The following ERLEC1 variants were observed in gnomAD, a reference collection of about 807,000 sequenced individuals.
ERLEC1 encodes the protein endoplasmic reticulum lectin 1, also known as ER lectin.
Under a neutral mutation model 68.0 loss-of-function variants are expected in ERLEC1, and 47 were observed. The ratio of observed to expected loss-of-function variants is 0.69; its 90% CI spans 0.55 to 0.88. ERLEC1 has a LOEUF of 0.88. Among genes scored for constraint, ERLEC1 ranks in the 40% least tolerant of loss-of-function variants. The probability of loss-of-function intolerance (pLI) is 0.00; values close to 1 mark genes in which losing one functional copy is unlikely to be tolerated. For synonymous variants in ERLEC1, 225 were observed against 203.2 expected, an observed-to-expected ratio of 1.11 and a Z score of -0.91; for missense variants, 567 against 583.8, an observed-to-expected ratio of 0.97 and a Z score of 0.30.
At chr2:53,797,452 T>C in intron 3 of ERLEC1, 63 bp from the exon 4 acceptor site, 2 of 1,238,296 alleles carry the variant, frequency 1.6e-6, no homozygotes, top group East Asian at 4.8e-5. Context: ...GCTTCAAATA[T>C]CAGAAAGTAA....
At chr2:53,789,078 G>T (rs1011008388) in intron 1 of ERLEC1, among the ~76,000 whole-genome samples, 1 of 151,564 alleles carries the variant, frequency 6.6e-6, no homozygotes. Context: ...AACTTTTCAC[G>T]TATCTAACAA....
At chr2:53,810,078 A>G (rs563114336) in intron 10 of ERLEC1, among the ~76,000 whole-genome samples, 3 of 152,276 alleles carry the variant, frequency 2.0e-5, no homozygotes, top group Admixed American at 6.5e-5. Flanking sequence ...CAAAAAACCA[A>G]ACAAACAAAA....
intron 5 of ERLEC1, among the ~76,000 whole-genome samples, chr2:53,798,457 C>T (rs556011840): frequency 3.6e-4 from 54 of 151,944 alleles, no homozygotes; most frequent in African/African-American, 1.2e-3. Context: ...GATGGAATTT[C>T]GCCATGTTGC....
chr2:53,805,879 T>C (rs1427649076), intron 8 of ERLEC1, among the ~76,000 whole-genome samples: 3 of 152,216 alleles, frequency 2.0e-5, no homozygotes, highest in Non-Finnish European at 4.4e-5. Flanking sequence ...AGTTTTGATT[T>C]GCTTTTCTCT....
chr2:53,804,110 G>T (rs544355986), intron 8 of ERLEC1, among the ~76,000 whole-genome samples: 1 of 152,086 alleles, frequency 6.6e-6, no homozygotes, highest in African/African-American at 2.4e-5. Context: ...CAGCCTGGGC[G>T]ACAAAGCGAG....
chr2:53,790,220 A>T (rs993755566), intron 1 of ERLEC1, among the ~76,000 whole-genome samples: 1 of 151,392 alleles, frequency 6.6e-6, no homozygotes, highest in African/African-American at 2.4e-5. Flanking sequence ...CAGCCTCCCC[A>T]GTAGCTGGGA....
chr2:53,791,336 G>T (rs539006890), intron 1 of ERLEC1, among the ~76,000 whole-genome samples: 1 of 152,058 alleles, frequency 6.6e-6, no homozygotes. Context: ...GTGTCAAATC[G>T]CTAATTTCCT....
At chr2:53,792,095 T>C (rs1675436735) in intron 1 of ERLEC1, among the ~76,000 whole-genome samples, 1 of 152,024 alleles carries the variant, frequency 6.6e-6, no homozygotes, top group African/African-American at 2.4e-5. Flanking sequence ...TTTGTATTTT[T>C]AGTAGAGACA....
At position 53,787,294 on chromosome 2, in the gene ERLEC1, C is replaced by T. The variant is rs898593046; in HGVS notation, c.84C>T (p.Ser28=). 6.2e-7 allele frequency: 1 copy of T among 1,609,852 alleles called. No homozygotes were observed. Among genetic ancestry groups the T allele is most frequent in the Non-Finnish European group, 8.5e-7 (1 of 1,179,966 alleles). The change falls in exon 1 of 14, where the codon TCC becomes TCT. Residue 28 remains serine (S), a synonymous_variant. Coordinates refer to ENST00000185150, the MANE Select transcript of ERLEC1 (RefSeq NM_015701.5). Reference sequence around the variant, plus strand: ...TCCTCTGCGGCCTCCTGGAGGCGTCCGGCGGCGGCCGAGCCCTTCCTCAAC... The same window carrying T: ...TCCTCTGCGGCCTCCTGGAGGCGTCTGGCGGCGGCCGAGCCCTTCCTCAAC... ...LLVLCGLLEA[S]GGGRALPQLS...
rs149968735 is a variant in ERLEC1, at chr2:53,808,415, C to G, written c.996C>G (p.Asp332Glu). 18 of 1,614,020 alleles carry G rather than the reference C, an allele frequency of 1.1e-5. No individual in the cohort carries two copies. Among genetic ancestry groups the G allele is most frequent in the Non-Finnish European group, 1.5e-5 (18 of 1,180,038 alleles). The change falls in exon 9 of 14, where the codon GAC becomes GAG. Residue 332 changes from aspartate to glutamate, a missense_variant. Coordinates refer to ENST00000185150, the MANE Select transcript of ERLEC1 (RefSeq NM_015701.5). Reference sequence around the variant, plus strand: ...CCCACATATCCAAATTGACAGATGACCAACTCATAAAAGAGTTTCTTAGTG... The same window carrying G: ...CCCACATATCCAAATTGACAGATGAGCAACTCATAAAAGAGTTTCTTAGTG... ...GTTHISKLTD[D>E]QLIKEFLSGS...
Position 53,817,950 on chromosome 2 carries a change from TTC to T in ERLEC1, c.1435_1436del (p.Leu479PhefsTer45). 1 of 1,589,976 alleles carries T rather than the reference TTC, an allele frequency of 6.3e-7. No individual in the cohort carries two copies. Among genetic ancestry groups the T allele is most frequent in the Non-Finnish European group, 8.6e-7 (1 of 1,158,372 alleles). ...TTAGATACAGCAGATGAAAATGGAC[TTC>T]TTTCTCTCCCCAACTAAAGGATATT... On this transcript the variant is annotated frameshift_variant, in exon 14 of 14. Transcript: ENST00000185150. LOFTEE classifies it high-confidence loss of function.
chr2:53,799,691 A>G (rs1675905999), intron 6 of ERLEC1, among the ~76,000 whole-genome samples: 1 of 152,158 alleles, frequency 6.6e-6, no homozygotes, highest in South Asian at 2.1e-4. Flanking sequence ...TTAATAGAGG[A>G]TATTTCCATA....
At chr2:53,796,056 C>T in intron 3 of ERLEC1, 43 bp downstream of exon 3, 1 of 1,247,028 alleles carries the variant, frequency 8.0e-7, no homozygotes, top group South Asian at 1.3e-5. Flanking sequence ...AATAGATTAC[C>T]AACAGCCAAC....
intron 8 of ERLEC1, among the ~76,000 whole-genome samples, chr2:53,805,716 A>T (rs1676260756): frequency 6.6e-6 from 1 of 152,160 alleles, no homozygotes; most frequent in Admixed American, 6.5e-5. Flanking sequence ...TTTTTGAGAA[A>T]GCTCCAGACT....
intron 13 of ERLEC1, among the ~76,000 whole-genome samples, chr2:53,817,557 A>G (rs1307621594): frequency 3.9e-5 from 6 of 152,018 alleles, no homozygotes; most frequent in Non-Finnish European, 8.8e-5. Context: ...TTTGGGTTAC[A>G]TTTTTCTTTA....
intron 13 of ERLEC1, 70 bp downstream of exon 13, chr2:53,815,005 T>G (rs1047234949): frequency 7.2e-6 from 7 of 968,402 alleles, no homozygotes; most frequent in Admixed American, 2.6e-5. Flanking sequence ...CTTTTTTTTT[T>G]TTTTTTTTTT....
chr2:53,797,943 T>C, intron 5 of ERLEC1, 148 bp downstream of exon 5: 2 of 699,574 alleles, frequency 2.9e-6, no homozygotes, highest in Non-Finnish European at 4.9e-6. Context: ...ACGCGTGTAA[T>C]CCCAGCACTT....
chr2:53,814,700 A>G, intron 12 of ERLEC1, 80 bp downstream of exon 12: 18 of 1,013,496 alleles, frequency 1.8e-5, no homozygotes, highest in Non-Finnish European at 2.7e-5. Flanking sequence ...TGTAAACAGT[A>G]TAATTATGAA....
chr2:53,793,247 C>T (rs1306322237), intron 1 of ERLEC1, among the ~76,000 whole-genome samples: 1 of 152,092 alleles, frequency 6.6e-6, no homozygotes, highest in East Asian at 1.9e-4. Flanking sequence ...AAAATAATAT[C>T]TGTTGTATTA....
Sources: allele counts gnomAD v4.1 joint callset (sites outside exome capture counted in the v4.1 genomes callset), GRCh38; gene constraint gnomAD v4.1.1; transcripts MANE v1.5; gene names NCBI Gene and HGNC (gene_info 2026-07-23, HGNC 2026-07-21).